The following RAB3C variants were observed in gnomAD, a reference collection of about 807,000 sequenced individuals.
The protein encoded by RAB3C is ras-related protein Rab-3C.
A neutral mutation model predicts 26.4 loss-of-function variants in RAB3C; 17 were observed. That is an observed-to-expected ratio of 0.64 (90% CI 0.44 to 0.97). RAB3C has a LOEUF of 0.97. Ranked by LOEUF, RAB3C falls within the 50% of genes least tolerant of loss-of-function variation. The pLI is 0.00. For synonymous variants in RAB3C, 91 were observed against 95.9 expected (o/e 0.95, Z 0.30); for missense variants, 242 against 281.9 (o/e 0.86, Z 1.01).
intron 2 of RAB3C, among the ~76,000 whole-genome samples, chr5:58,667,120 A>G (rs1434095905): frequency 6.6e-6 from 1 of 152,190 alleles, no homozygotes; most frequent in African/African-American, 2.4e-5. Context: ...CCACCATATC[A>G]TATCAATTGG....
intron 2 of RAB3C, among the ~76,000 whole-genome samples, chr5:58,629,071 A>T (rs1008818217): frequency 2.0e-5 from 3 of 149,316 alleles, no homozygotes; most frequent in Non-Finnish European, 3.0e-5. Context: ...AATTTATTTA[A>T]TTATTTATTT....
At chr5:58,750,569 C>A (rs1741500883) in intron 3 of RAB3C, among the ~76,000 whole-genome samples, 1 of 152,138 alleles carries the variant, frequency 6.6e-6, no homozygotes, top group South Asian at 2.1e-4. Flanking sequence ...CATTGAAACT[C>A]TTAGATTGAT....
chr5:58,722,595 C>T (rs915141463), intron 2 of RAB3C, among the ~76,000 whole-genome samples: 3 of 151,740 alleles, frequency 2.0e-5, no homozygotes, highest in African/African-American at 7.3e-5. Flanking sequence ...CCCCAGAAAG[C>T]TTACACATAT....
chr5:58,634,593 T>A (rs1430669130), intron 2 of RAB3C, among the ~76,000 whole-genome samples: 1 of 152,188 alleles, frequency 6.6e-6, no homozygotes, highest in Non-Finnish European at 1.5e-5. Flanking sequence ...ATTTGTGGCT[T>A]AGACCAAGAA....
intron 3 of RAB3C, among the ~76,000 whole-genome samples, chr5:58,727,738 A>G (rs1046213433): frequency 1.1e-4 from 17 of 152,072 alleles, no homozygotes; most frequent in African/African-American, 3.6e-4. Flanking sequence ...CTGTCTTAAA[A>G]TGTTGAGATC....
chr5:58,622,099 G>A (rs1746952943), intron 2 of RAB3C, among the ~76,000 whole-genome samples: 1 of 152,140 alleles, frequency 6.6e-6, no homozygotes, highest in Non-Finnish European at 1.5e-5. Flanking sequence ...CTCTGTGGAA[G>A]CAGGAAAGAA....
chr5:58,815,807 T>A (rs62358125), intron 3 of RAB3C: 24,514 of 152,114 alleles, frequency 0.16, 2,220 homozygotes, highest in Non-Finnish European at 0.21. Context: ...TCTGTCCTCA[T>A]GGTACCTATA....
In RAB3C at chr5:58,695,513, C is replaced by A. The variant is rs188596488; in HGVS notation, c.253-30489C>A. ...CATTGAGTCTATAAATTACTTTGGG[C>A]AATATGGCCATTTTCACAATACTGA... is the stretch of plus-strand genomic sequence containing the variant. On this transcript the variant is annotated intron_variant, in intron 2 of 4. Coordinates refer to ENST00000282878, the MANE Select transcript of RAB3C (RefSeq NM_138453.4). Among the ~76,000 whole-genome samples, 17 of 152,236 alleles carry A rather than the reference C, an allele frequency of 1.1e-4. 1 individual carries two copies. Among genetic ancestry groups the A allele is most frequent in the African/African-American group, 4.1e-4 (17 of 41,532 alleles).
chr5:58,597,772 AATACATTATATATAAGTATATAACATG>A (rs1156235902), intron 1 of RAB3C, among the ~76,000 whole-genome samples: 4 of 110,084 alleles, frequency 3.6e-5, no homozygotes, highest in African/African-American at 1.5e-4. Flanking sequence ...TATAACATAT[AATACATTATATATAAGTATATAACATG>A]TAATACATTA....
chr5:58,859,304 G>A lies in RAB3C; in HGVS notation c.*7953G>A, dbSNP rs539127878. ...GCTCTATTAGGTATTCAGTTTGTAT[G>A]TGAATTCTATAAAGAAAGTGGTTTT... On this transcript the variant is annotated 3_prime_UTR_variant, in exon 5 of 5. Transcript: ENST00000282878. 2 of 152,292 alleles carry A rather than the reference G, an allele frequency of 1.3e-5. No individual in the cohort carries two copies. Among genetic ancestry groups the A allele is most frequent in the South Asian group, 4.1e-4 (2 of 4,820 alleles). 9.4% of individuals were successfully genotyped at this position (152,292 alleles called of 1,614,324 possible). A position where few individuals can be genotyped will look rare whatever the true frequency, so the allele number is the denominator to read the frequency against.
At chr5:58,821,732 C>T (rs1743346563) in intron 3 of RAB3C, among the ~76,000 whole-genome samples, 1 of 152,186 alleles carries the variant, frequency 6.6e-6, no homozygotes, top group African/African-American at 2.4e-5. Context: ...CATTTGAAAA[C>T]TTAGATGTAC....
At chr5:58,605,233 G>A (rs994721656) in intron 1 of RAB3C, among the ~76,000 whole-genome samples, 3 of 152,054 alleles carry the variant, frequency 2.0e-5, no homozygotes, top group Admixed American at 6.6e-5. Context: ...CAGAATTGCT[G>A]TTTTTTTCTT....
chr5:58,813,653 T>C (rs1743147150), intron 3 of RAB3C, among the ~76,000 whole-genome samples: 2 of 70,804 alleles, frequency 2.8e-5, no homozygotes, highest in Non-Finnish European at 5.4e-5. Context: ...CACACACATA[T>C]ACATATGGTA....
chr5:58,775,370 C>T (rs1361425397), intron 3 of RAB3C, among the ~76,000 whole-genome samples: 2 of 152,036 alleles, frequency 1.3e-5, no homozygotes, highest in Admixed American at 1.3e-4. Flanking sequence ...GTGTCTTGAC[C>T]TATAAAAGTA....
chr5:58,780,640 A>C (rs1010757), intron 3 of RAB3C, among the ~76,000 whole-genome samples: 120,114 of 151,982 alleles, frequency 0.79, 47,688 homozygotes, highest in African/African-American at 0.85. Context: ...CTGAGTGCTT[A>C]CAATGCATTC....
intron 2 of RAB3C, among the ~76,000 whole-genome samples, chr5:58,658,702 T>C (rs1747835664): frequency 6.6e-6 from 1 of 152,150 alleles, no homozygotes; most frequent in African/African-American, 2.4e-5. Context: ...TCTCTAATCA[T>C]GATGCATCTG....
At chr5:58,740,482 AT>A (rs974523422) in intron 3 of RAB3C, among the ~76,000 whole-genome samples, 1 of 152,150 alleles carries the variant, frequency 6.6e-6, no homozygotes, top group Non-Finnish European at 1.5e-5. Context: ...AGTTATTTAT[AT>A]AACTGTTATG....
At chr5:58,840,185 G>A (rs1001916727) in intron 4 of RAB3C, among the ~76,000 whole-genome samples, 14 of 147,592 alleles carry the variant, frequency 9.5e-5, no homozygotes, top group Admixed American at 3.4e-4. Flanking sequence ...TTTTTTTTCT[G>A]CTTATATTAT....
chr5:58,836,350 G>A (rs903030984), intron 4 of RAB3C, among the ~76,000 whole-genome samples: 1 of 151,964 alleles, frequency 6.6e-6, no homozygotes, highest in Non-Finnish European at 1.5e-5. Context: ...TCAGATCAGG[G>A]TAATTAACAT....
Sources: allele counts gnomAD v4.1 joint callset (sites outside exome capture counted in the v4.1 genomes callset), GRCh38; gene constraint gnomAD v4.1.1; transcripts MANE v1.5; gene names NCBI Gene and HGNC (gene_info 2026-07-23, HGNC 2026-07-21).